Variants in MEGF9 observed in about 807,000 individuals in gnomAD.
MEGF9 encodes the protein multiple epidermal growth factor-like domains protein 9.
Under a neutral mutation model 46.8 loss-of-function variants are expected in MEGF9, and 6 were observed. The observed-to-expected ratio is 0.13, with a 90% CI of 0.07 to 0.25. MEGF9 has a LOEUF of 0.25. MEGF9 is among the 10% of genes least tolerant of loss of function. MEGF9 has a pLI of 1.00. For missense variants in MEGF9, 683 were observed against 792.4 expected, an observed-to-expected ratio of 0.86 and a Z score of 1.66; for synonymous variants, 302 against 330.7, an observed-to-expected ratio of 0.91 and a Z score of 0.94.
At chr9:120,691,207 A>T (rs1040954842) in intron 1 of MEGF9, among the ~76,000 whole-genome samples, 3 of 152,144 alleles carry the variant, frequency 2.0e-5, no homozygotes, top group African/African-American at 7.2e-5. Context: ...TGTCTCAAAA[A>T]ATGATCAATC....
Position 120,646,709 on chromosome 9 carries a change from T to C in MEGF9, c.803+12665A>G, listed in dbSNP as rs144210497. ...AACTATTTACACATATTTAATAGTG[T>C]CCTTATTAGACTAGAAGCTCCTTTT... is the stretch of plus-strand genomic sequence containing the variant. On this transcript the variant is annotated intron_variant, in intron 2 of 5. Coordinates refer to ENST00000373930, the MANE Select transcript of MEGF9 (RefSeq NM_001080497.3). 3.3e-5 allele frequency among the ~76,000 whole-genome samples: 5 copies of C among 152,310 alleles called. No individual in the cohort carries two copies. The East Asian group carries it at 9.6e-4, about 29-fold the overall frequency.
At chr9:120,637,364 T>C (rs978465267) in intron 2 of MEGF9, among the ~76,000 whole-genome samples, 1 of 151,730 alleles carries the variant, frequency 6.6e-6, no homozygotes, top group African/African-American at 2.4e-5. Context: ...CTCTCCACTA[T>C]CGTCCTATGA....
chr9:120,713,860 G>T lies in MEGF9; in HGVS notation c.499C>A (p.Pro167Thr), dbSNP rs369829552. 87 of 1,302,484 alleles carry T rather than the reference G, an allele frequency of 6.7e-5. No individual in the cohort carries two copies. Among genetic ancestry groups the T allele is most frequent in the Non-Finnish European group, 8.0e-5 (82 of 1,023,094 alleles). 80.7% of individuals were successfully genotyped at this position (1,302,484 alleles called of 1,614,324 possible). A position where few individuals can be genotyped will look rare whatever the true frequency, so the allele number is the denominator to read the frequency against. ...TTPVATTVPA[P>T]TTPRTPTPDL... ...GGGGTCGGGGTCCGGGGAGTCGTGG[G>T]CGCCGGTACGGTGGTCGCTACAGGG... Residue 167 changes from proline to threonine, a missense_variant, in exon 1 of 6, where the codon CCC (proline) becomes ACC (threonine). Coordinates refer to ENST00000373930, the MANE Select transcript of MEGF9 (RefSeq NM_001080497.3).
At chr9:120,664,697 G>A (rs151140668) in intron 1 of MEGF9, among the ~76,000 whole-genome samples, 10 of 152,020 alleles carry the variant, frequency 6.6e-5, no homozygotes, top group East Asian at 3.9e-4. Flanking sequence ...CAAAATTATC[G>A]CACTTAAGCA....
intron 1 of MEGF9, among the ~76,000 whole-genome samples, chr9:120,680,148 T>C (rs1405436113): frequency 1.3e-5 from 2 of 152,236 alleles, no homozygotes; most frequent in East Asian, 3.9e-4. Flanking sequence ...TATATTTCTG[T>C]TTCTCCAGGA....
At chr9:120,679,462 C>T (rs1358032069) in intron 1 of MEGF9, among the ~76,000 whole-genome samples, 5 of 120,246 alleles carry the variant, frequency 4.2e-5, no homozygotes, top group African/African-American at 1.0e-4. Context: ...CATCACACAC[C>T]GGGGCCTGTT....
intron 2 of MEGF9, among the ~76,000 whole-genome samples, chr9:120,644,282 C>T (rs541680035): frequency 1.3e-5 from 2 of 152,230 alleles, no homozygotes; most frequent in Non-Finnish European, 2.9e-5. Context: ...AAATTTCCCT[C>T]AATTTGGGTT....
intron 1 of MEGF9, among the ~76,000 whole-genome samples, chr9:120,661,149 G>A (rs915639724): frequency 2.0e-5 from 3 of 152,160 alleles, no homozygotes; most frequent in Non-Finnish European, 4.4e-5. Context: ...CCACACTTCT[G>A]CAGTTCCTAA....
At chr9:120,663,585 G>T (rs760461591) in intron 1 of MEGF9, among the ~76,000 whole-genome samples, 3 of 152,204 alleles carry the variant, frequency 2.0e-5, no homozygotes, top group Non-Finnish European at 2.9e-5. Flanking sequence ...TTAGACACCA[G>T]AGCAGCACAA....
intron 3 of MEGF9, among the ~76,000 whole-genome samples, chr9:120,616,250 A>G (rs1358108656): frequency 1.3e-5 from 2 of 152,018 alleles, no homozygotes; most frequent in East Asian, 3.9e-4. Context: ...CTTCATATAT[A>G]TATTTAATAA....
At chr9:120,637,914 T>G (rs2043585888) in intron 2 of MEGF9, among the ~76,000 whole-genome samples, 1 of 151,364 alleles carries the variant, frequency 6.6e-6, no homozygotes, top group South Asian at 2.1e-4. Context: ...TGCCAAGAAG[T>G]TGCTTCTCAA....
chr9:120,627,541 C>CA (rs1371048497), intron 2 of MEGF9, among the ~76,000 whole-genome samples: 1 of 152,162 alleles, frequency 6.6e-6, no homozygotes, highest in Non-Finnish European at 1.5e-5. Context: ...CGGCTTACTG[C>CA]AACCTCCGCC....
At chr9:120,667,711 C>T (rs1241389593) in intron 1 of MEGF9, among the ~76,000 whole-genome samples, 1 of 152,234 alleles carries the variant, frequency 6.6e-6, no homozygotes, top group Middle Eastern at 3.4e-3. Flanking sequence ...TCTTCATGTA[C>T]ATCGAATGAG....
chr9:120,639,339 T>C (rs2043592084), intron 2 of MEGF9, among the ~76,000 whole-genome samples: 1 of 151,640 alleles, frequency 6.6e-6, no homozygotes, highest in Non-Finnish European at 1.5e-5. Flanking sequence ...TGAGACCCTG[T>C]CTCCACTAAA....
At chr9:120,643,845 C>A (rs1308552165) in intron 2 of MEGF9, among the ~76,000 whole-genome samples, 1 of 151,868 alleles carries the variant, frequency 6.6e-6, no homozygotes, top group East Asian at 1.9e-4. Flanking sequence ...CATGCATGCA[C>A]CACCAAGTAG....
chr9:120,615,315 GCA>G (rs200623333), intron 3 of MEGF9, among the ~76,000 whole-genome samples: 1 of 147,416 alleles, frequency 6.8e-6, no homozygotes, highest in Admixed American at 6.7e-5. Flanking sequence ...ACACACACAT[GCA>G]CACACACACA....
chr9:120,643,440 G>A lies in MEGF9; in HGVS notation c.803+15934C>T, dbSNP rs1164505385. 2.0e-5 allele frequency among the ~76,000 whole-genome samples: 3 copies of A among 152,160 alleles called. No individual in the cohort carries two copies. In the East Asian group the frequency reaches 5.8e-4, roughly 29 times the overall value. On this transcript the variant is annotated intron_variant, in intron 2 of 5. Transcript: ENST00000373930. ...TTTGATTGTACATTCTAACCACAAT[G>A]TCATACATCTAAAATGGCAGGTCAA...
chr9:120,714,141 G>C lies in MEGF9; in HGVS notation c.218C>G (p.Pro73Arg). 8.1e-7 allele frequency: 1 copy of C among 1,236,490 alleles called. No individual in the cohort carries two copies. Among genetic ancestry groups the C allele is most frequent in the East Asian group, 3.2e-5 (1 of 31,714 alleles). 76.6% of individuals were successfully genotyped at this position (1,236,490 alleles called of 1,614,324 possible). A position where few individuals can be genotyped will look rare whatever the true frequency, so the allele number is the denominator to read the frequency against. Residue 73 changes from proline (P) to arginine (R), a missense_variant, in exon 1 of 6, where the codon CCC becomes CGC. Physicochemically the swap from Pro to Arg is moderately radical, Grantham distance 103. Transcript: ENST00000373930. ...PSHPFPRATAPTAQAPRTGPP... is the reference protein window; with the variant it reads ...PSHPFPRATARTAQAPRTGPP... Reference sequence around the variant, plus strand: ...CCCGGTCCTCGGGGCCTGGGCCGTGGGAGCCGTCGCCCTAGGGAAGGGGTG... The same window carrying C: ...CCCGGTCCTCGGGGCCTGGGCCGTGCGAGCCGTCGCCCTAGGGAAGGGGTG...
intron 3 of MEGF9, among the ~76,000 whole-genome samples, chr9:120,613,457 C>T (rs946890609): frequency 6.0e-5 from 9 of 151,202 alleles, no homozygotes; most frequent in Non-Finnish European, 1.2e-4. Context: ...AAATATGAAG[C>T]AAAATGTCAA....
Sources: allele counts gnomAD v4.1 joint callset (sites outside exome capture counted in the v4.1 genomes callset), GRCh38; gene constraint gnomAD v4.1.1; transcripts MANE v1.5; gene names NCBI Gene and HGNC (gene_info 2026-07-23, HGNC 2026-07-21).